SLC9A8: variants seen among roughly 807,000 people sequenced by gnomAD.
SLC9A8 encodes sodium/hydrogen exchanger 8.
A neutral mutation model predicts 66.6 loss-of-function variants in SLC9A8; 48 were observed. The observed-to-expected ratio is 0.72, with a 90% confidence interval of 0.57 to 0.92. The LOEUF is 0.92. Among genes scored for constraint, SLC9A8 ranks in the 40% least tolerant of loss-of-function variants. The probability of loss-of-function intolerance (pLI) is 0.00; values close to 1 mark genes in which losing one functional copy is unlikely to be tolerated. For synonymous variants in SLC9A8, 274 were observed against 282.6 expected, an observed-to-expected ratio of 0.97 and a Z score of 0.31; for missense variants, 599 against 747.3, an observed-to-expected ratio of 0.80 and a Z score of 2.31.
intron 8 of SLC9A8, among the ~76,000 whole-genome samples, chr20:49,861,214 C>T (rs931948016): frequency 3.3e-5 from 5 of 152,042 alleles, no homozygotes; most frequent in Non-Finnish European, 5.9e-5. Context: ...CTGATAACGT[C>T]GGGAAACTGT....
At chr20:49,856,200 G>A (rs74768971) in intron 8 of SLC9A8, among the ~76,000 whole-genome samples, 4 of 152,300 alleles carry the variant, frequency 2.6e-5, no homozygotes, top group Non-Finnish European at 5.9e-5. Flanking sequence ...CACCCTCAGA[G>A]CTTCTGATTC....
intron 3 of SLC9A8, among the ~76,000 whole-genome samples, chr20:49,834,977 A>G (rs1369495775): frequency 6.6e-6 from 1 of 152,254 alleles, no homozygotes; most frequent in East Asian, 1.9e-4. Context: ...TTGAAACATT[A>G]AAGTACAATT....
chr20:49,831,773 G>T (rs1382915266), intron 3 of SLC9A8, among the ~76,000 whole-genome samples: 1 of 152,188 alleles, frequency 6.6e-6, no homozygotes, highest in African/African-American at 2.4e-5. Context: ...CTCCTTAGAC[G>T]CCTTTGTGAA....
chr20:49,830,814 C>G, intron 3 of SLC9A8: 1 of 1,298,702 alleles, frequency 7.7e-7, no homozygotes, highest in Non-Finnish European at 1.1e-6. Flanking sequence ...GGTGACAGAT[C>G]AGGCCCAGCA....
chr20:49,831,992 G>T (rs567224261), intron 3 of SLC9A8, among the ~76,000 whole-genome samples: 2 of 152,100 alleles, frequency 1.3e-5, no homozygotes, highest in Non-Finnish European at 2.9e-5. Flanking sequence ...GAGCCAAGAG[G>T]AGTGGGGTTG....
At chr20:49,844,210 T>C (rs1245964647) in intron 4 of SLC9A8, among the ~76,000 whole-genome samples, 1 of 152,192 alleles carries the variant, frequency 6.6e-6, no homozygotes, top group African/African-American at 2.4e-5. Context: ...GTGTGGACTG[T>C]TTTATCACAT....
chr20:49,845,719 G>A lies in SLC9A8; in HGVS notation c.432+600G>A, dbSNP rs115529867. On this transcript the variant is annotated intron_variant, in intron 5 of 15. Transcript: ENST00000361573. ...TCCCTGCCTAGTCCCACAGTTGCCT[G>A]CCCATTCTTTCCTCCCTGCCTTGGT... Among the ~76,000 whole-genome samples, 645 of 152,210 alleles carry A rather than the reference G, an allele frequency of 4.2e-3. 3 individuals carry two copies. The highest frequency in any genetic ancestry group is 0.015 in the African/African-American group (623 of 41,556).
At chr20:49,830,526 G>C in intron 3 of SLC9A8, 3 of 690,046 alleles carry the variant, frequency 4.3e-6, no homozygotes. Context: ...CGCTGACATA[G>C]TCACTTAGCT....
intron 3 of SLC9A8, among the ~76,000 whole-genome samples, chr20:49,828,204 C>T (rs1274259835): frequency 6.6e-6 from 1 of 151,236 alleles, no homozygotes; most frequent in Non-Finnish European, 1.5e-5. Flanking sequence ...CCTCAGCCTC[C>T]CGAGTAGCTG....
At chr20:49,838,117 A>T (rs2087615637) in intron 3 of SLC9A8, among the ~76,000 whole-genome samples, 1 of 152,178 alleles carries the variant, frequency 6.6e-6, no homozygotes, top group Non-Finnish European at 1.5e-5. Flanking sequence ...ATGTAAGAGG[A>T]TAGAGAAGGG....
chr20:49,830,528 C>T, intron 3 of SLC9A8: 1 of 685,726 alleles, frequency 1.5e-6, no homozygotes, highest in East Asian at 2.8e-5. Flanking sequence ...CTGACATAGT[C>T]ACTTAGCTGG....
Position 49,863,029 on chromosome 20 carries a change from G to T in SLC9A8, c.814G>T (p.Ala272Ser). ...DYFLKMFFGS[A>S]ALGTLTGLIS... Reference sequence around the variant, plus strand: ...CTTCCTCAAAATGTTCTTTGGCTCTGCAGCGCTCGGCACTCTCACTGGCTT... The same window carrying T: ...CTTCCTCAAAATGTTCTTTGGCTCTTCAGCGCTCGGCACTCTCACTGGCTT... The change falls in exon 9 of 16, where the codon GCA becomes TCA. Residue 272 changes from alanine to serine, a missense_variant. Transcript: ENST00000361573. The T allele has an allele frequency of 6.2e-7, 1 of 1,613,916 alleles. No homozygotes were observed. The highest frequency in any genetic ancestry group is 1.3e-5 in the African/African-American group (1 of 75,034).
chr20:49,829,920 T>TC, intron 3 of SLC9A8: 1 of 580,050 alleles, frequency 1.7e-6, no homozygotes. Flanking sequence ...CTGAAAAGAA[T>TC]CCAAGAGCAA....
intron 13 of SLC9A8, 98 bp from the exon 14 acceptor site, chr20:49,883,748 C>A: frequency 1.1e-6 from 1 of 911,958 alleles, no homozygotes; most frequent in East Asian, 2.6e-5. Flanking sequence ...GAATAGTCAG[C>A]TGGTCGTGGT....
intron 3 of SLC9A8, among the ~76,000 whole-genome samples, chr20:49,832,847 T>G (rs2087266164): frequency 6.6e-6 from 1 of 152,144 alleles, no homozygotes; most frequent in Non-Finnish European, 1.5e-5. Flanking sequence ...TTGTTGACAA[T>G]TCTGTAAAGT....
intron 3 of SLC9A8, among the ~76,000 whole-genome samples, chr20:49,834,314 GTATA>G (rs562963031): frequency 1.1e-4 from 8 of 75,264 alleles, no homozygotes; most frequent in East Asian, 3.1e-4. Context: ...TATACAGTGT[GTATA>G]TATATATATA....
intron 7 of SLC9A8, among the ~76,000 whole-genome samples, chr20:49,852,634 C>T (rs985656269): frequency 1.3e-4 from 20 of 152,122 alleles, no homozygotes; most frequent in African/African-American, 4.8e-4. Context: ...AGTTGAACTT[C>T]TGGCGTTTAA....
intron 8 of SLC9A8, among the ~76,000 whole-genome samples, chr20:49,857,869 A>T (rs894395637): frequency 6.6e-6 from 1 of 152,014 alleles, no homozygotes. Context: ...TTGCAGGAGG[A>T]GCTTACCAAA....
chr20:49,815,017 C>T lies in SLC9A8; in HGVS notation c.36C>T (p.Pro12=). The T allele has an allele frequency of 6.3e-7, 1 of 1,576,088 alleles. No homozygotes were observed. The highest frequency in any genetic ancestry group is 8.6e-7 in the Non-Finnish European group (1 of 1,158,896). The change falls in exon 2 of 16, where the codon CCC becomes CCT. Residue 12 remains proline (P), a synonymous_variant. Coordinates refer to ENST00000361573, the MANE Select transcript of SLC9A8 (RefSeq NM_015266.3). ...TTTCTATGTCCTCCAGGAGGTTCCC[C>T]AATACAACTCATGAGGGTTTCAATG... ...GEKMAEEERF[P]NTTHEGFNVT...
Sources: gnomAD v4.1 joint callset for allele counts (sites outside exome capture counted in the v4.1 genomes callset) on GRCh38, gnomAD v4.1.1 for gene constraint, MANE v1.5 for transcripts, NCBI Gene and HGNC (gene_info 2026-07-23, HGNC 2026-07-21) for gene names.